The following PLPPR4 variants were observed in gnomAD, a reference collection of about 807,000 sequenced individuals.
The protein encoded by PLPPR4 is phospholipid phosphatase-related protein type 4.
In PLPPR4, 24 loss-of-function variants were observed where a neutral mutation model predicts 56.6. The observed-to-expected ratio is 0.42, with a 90% CI of 0.31 to 0.60. The LOEUF (loss-of-function observed/expected upper bound fraction) is 0.60. PLPPR4 is among the 20% of genes least tolerant of loss of function. The probability of loss-of-function intolerance (pLI) is 0.13; values close to 1 mark genes in which losing one functional copy is unlikely to be tolerated. For missense variants in PLPPR4, 654 were observed against 885.8 expected (o/e 0.74, Z 3.32); for synonymous variants, 326 against 328.1 (o/e 0.99, Z 0.07).
intron 1 of PLPPR4, among the ~76,000 whole-genome samples, chr1:99,280,849 G>A (rs936291373): frequency 6.6e-6 from 1 of 152,034 alleles, no homozygotes; most frequent in African/African-American, 2.4e-5. Context: ...GAGAGTAGGT[G>A]GAAAGCAAAA....
At position 99,278,572 on chromosome 1, in the gene PLPPR4, C is replaced by G. The variant is rs1659248746; in HGVS notation, c.79-9393C>G. On this transcript the variant is annotated intron_variant, in intron 1 of 6. Coordinates refer to ENST00000370185, the MANE Select transcript of PLPPR4 (RefSeq NM_014839.5). Reference sequence around the variant, plus strand: ...CAGATTCTCAGCCTCAGGTCTTAGTCTCTAACGGTTTAAAGAATAAAATGC... The same window carrying G: ...CAGATTCTCAGCCTCAGGTCTTAGTGTCTAACGGTTTAAAGAATAAAATGC... Among the ~76,000 whole-genome samples, 6 of 152,238 alleles carry G rather than the reference C, an allele frequency of 3.9e-5. No homozygotes were observed. The South Asian group carries it at 1.2e-3, about 32-fold the overall frequency.
chr1:99,299,598 A>T (rs947801831), intron 4 of PLPPR4, among the ~76,000 whole-genome samples: 9 of 152,070 alleles, frequency 5.9e-5, no homozygotes, highest in Non-Finnish European at 1.3e-4. Flanking sequence ...TTTAAAAACT[A>T]AACACATATG....
chr1:99,294,707 A>C (rs934302306), intron 2 of PLPPR4, among the ~76,000 whole-genome samples: 1 of 152,036 alleles, frequency 6.6e-6, no homozygotes, highest in Admixed American at 6.6e-5. Context: ...AAAAAAAAAA[A>C]AAAAAACTCC....
chr1:99,269,767 A>G (rs917224179), intron 1 of PLPPR4, among the ~76,000 whole-genome samples: 5 of 152,210 alleles, frequency 3.3e-5, no homozygotes, highest in Non-Finnish European at 7.4e-5. Context: ...ATATTTTGAC[A>G]GGGCTACAGA....
intron 3 of PLPPR4, among the ~76,000 whole-genome samples, chr1:99,297,141 T>C (rs1570921221): frequency 6.6e-6 from 1 of 152,318 alleles, no homozygotes; most frequent in East Asian, 1.9e-4. Context: ...TATGAATTTA[T>C]TTTAAAATGG....
At chr1:99,276,445 T>C (rs1265881217) in intron 1 of PLPPR4, among the ~76,000 whole-genome samples, 1 of 152,158 alleles carries the variant, frequency 6.6e-6, no homozygotes, top group Non-Finnish European at 1.5e-5. Flanking sequence ...ATTGATACTT[T>C]ATTTTAATAA....
At chr1:99,287,185 G>A (rs1458042145) in intron 1 of PLPPR4, among the ~76,000 whole-genome samples, 2 of 152,086 alleles carry the variant, frequency 1.3e-5, no homozygotes, top group African/African-American at 2.4e-5. Flanking sequence ...ATGGCTTCCA[G>A]CTTCATCCAT....
intron 1 of PLPPR4, among the ~76,000 whole-genome samples, chr1:99,275,150 A>G (rs1328407462): frequency 6.6e-6 from 1 of 152,148 alleles, no homozygotes; most frequent in African/African-American, 2.4e-5. Flanking sequence ...AACTGTGAAG[A>G]TTTGGACATA....
intron 1 of PLPPR4, among the ~76,000 whole-genome samples, 159 bp downstream of exon 1, chr1:99,264,830 C>T (rs1658850166): frequency 6.6e-6 from 1 of 152,180 alleles, no homozygotes; most frequent in African/African-American, 2.4e-5. Context: ...TTCACAGCAG[C>T]TCCCCGAATG....
At chr1:99,266,489 A>T (rs956416009) in intron 1 of PLPPR4, among the ~76,000 whole-genome samples, 1 of 152,276 alleles carries the variant, frequency 6.6e-6, no homozygotes, top group Non-Finnish European at 1.5e-5. Context: ...TTTTAAAAGT[A>T]CAAGTGCCTC....
At chr1:99,271,126 A>G (rs1659048378) in intron 1 of PLPPR4, among the ~76,000 whole-genome samples, 1 of 152,164 alleles carries the variant, frequency 6.6e-6, no homozygotes, top group Non-Finnish European at 1.5e-5. Context: ...GTTTCTGCCA[A>G]TTTCAAGGAG....
chr1:99,275,532 C>T (rs773309027), intron 1 of PLPPR4, among the ~76,000 whole-genome samples: 13 of 152,090 alleles, frequency 8.5e-5, no homozygotes, highest in East Asian at 1.9e-4. Context: ...TTCGTCGTTG[C>T]GTAGGTCAAT....
chr1:99,280,288 A>C (rs1659288771), intron 1 of PLPPR4, among the ~76,000 whole-genome samples: 1 of 152,156 alleles, frequency 6.6e-6, no homozygotes, highest in Non-Finnish European at 1.5e-5. Flanking sequence ...TTTCTGCCTC[A>C]GTTTTCTCAT....
At chr1:99,304,142 T>C (rs951787342) in intron 6 of PLPPR4, among the ~76,000 whole-genome samples, 3 of 152,208 alleles carry the variant, frequency 2.0e-5, no homozygotes, top group Admixed American at 2.0e-4. Context: ...TAATGATATT[T>C]TGGTCAACCA....
rs763326262 is a variant in PLPPR4, at chr1:99,305,726, T to A, written c.864T>A (p.Ser288Arg). ...GGAATTTCCTGCCCAGTGATGAGAG[T>A]ATGTTTCAGCACAGAGACGCCCTCA... Reference protein sequence around the residue: ...AVGNFLPSDESMFQHRDALRS... With the variant: ...AVGNFLPSDERMFQHRDALRS... The change falls in exon 7 of 7, where the codon AGT (serine) becomes AGA (arginine). Residue 288 changes from serine to arginine, a missense_variant. Physicochemically the swap from Ser to Arg is moderately radical, Grantham distance 110 (BLOSUM62 -1). Around this residue, in one of 2 missense-constraint regions of PLPPR4, gnomAD observed 468 missense variants for 554.3 expected, o/e 0.84. Transcript: ENST00000370185. The A allele has an allele frequency of 6.2e-7, 1 of 1,613,542 alleles. No individual in the cohort carries two copies. Among genetic ancestry groups the A allele is most frequent in the Non-Finnish European group, 8.5e-7 (1 of 1,179,940 alleles).
At position 99,307,036 on chromosome 1, in the gene PLPPR4, T is replaced by C. The variant is rs1474176125; in HGVS notation, c.*26T>C. On this transcript the variant is annotated 3_prime_UTR_variant, in exon 7 of 7. Coordinates refer to ENST00000370185, the MANE Select transcript of PLPPR4 (RefSeq NM_014839.5). ...GTGATGTCCATTCCATCATTAGGGCTACTCGCAAAAGACCATATGTTGATT... is the reference window on the plus strand; with the variant it reads ...GTGATGTCCATTCCATCATTAGGGCCACTCGCAAAAGACCATATGTTGATT... 2 of 1,555,396 alleles carry C rather than the reference T, an allele frequency of 1.3e-6. No individual in the cohort carries two copies. Among genetic ancestry groups the C allele is most frequent in the Non-Finnish European group, 1.7e-6 (2 of 1,157,640 alleles).
chr1:99,270,080 A>G (rs924155043), intron 1 of PLPPR4, among the ~76,000 whole-genome samples: 1 of 148,540 alleles, frequency 6.7e-6, no homozygotes, highest in Non-Finnish European at 1.5e-5. Flanking sequence ...GCTGGATTGC[A>G]GTGGCATGAT....
At position 99,306,415 on chromosome 1, in the gene PLPPR4, C is replaced by T; in HGVS notation, c.1553C>T (p.Ala518Val). Reference protein sequence around the residue: ...KWLKAAEKTVACNRSNSQPRI... With the variant: ...KWLKAAEKTVVCNRSNSQPRI... Reference sequence around the variant, plus strand: ...TTAAAAGCTGCTGAAAAGACTGTGGCCTGTAACAGAAGCAACAGCCAGCCC... The same window carrying T: ...TTAAAAGCTGCTGAAAAGACTGTGGTCTGTAACAGAAGCAACAGCCAGCCC... The change falls in exon 7 of 7, where the codon GCC (alanine) becomes GTC (valine). Residue 518 changes from alanine (A) to valine (V), a missense_variant. Physicochemically the swap from Ala to Val is moderately conservative, Grantham distance 64 (BLOSUM62 0). Transcript: ENST00000370185. This position sits in a 1 kb window ranked among gnomAD's most constrained non-coding sequence, Gnocchi z 4.0. 6.2e-7 allele frequency: 1 copy of T among 1,614,138 alleles called. No individual in the cohort carries two copies. The highest frequency in any genetic ancestry group is 1.1e-5 in the South Asian group (1 of 91,086).
chr1:99,301,668 A>G, intron 5 of PLPPR4, 56 bp from the exon 6 acceptor site: 1 of 1,251,526 alleles, frequency 8.0e-7, no homozygotes, highest in Non-Finnish European at 1.1e-6. Flanking sequence ...TTTGATTATA[A>G]TTTACTAATA....
Sources: gnomAD v4.1 joint callset for allele counts (sites outside exome capture counted in the v4.1 genomes callset) on GRCh38, gnomAD v4.1.1 for gene constraint, gnomAD v4.1.1 regional missense constraint, Gnocchi (gnomAD v3.1) non-coding constraint, MANE v1.5 for transcripts, NCBI Gene and HGNC (gene_info 2026-07-23, HGNC 2026-07-21) for gene names.